The following IKZF2 variants were observed in gnomAD, a reference collection of about 807,000 sequenced individuals.
The protein encoded by IKZF2 is zinc finger protein Helios.
Under a neutral mutation model 49.2 loss-of-function variants are expected in IKZF2, and 15 were observed. The ratio of observed to expected loss-of-function variants is 0.30; its 90% CI spans 0.20 to 0.47. The LOEUF (loss-of-function observed/expected upper bound fraction) is 0.47, where lower values mean the gene tolerates loss of function less well. Among genes scored for constraint, IKZF2 ranks in the 20% least tolerant of loss-of-function variants. IKZF2 has a pLI of 1.00. For missense variants in IKZF2, 567 were observed against 664.6 expected (o/e 0.85, Z 1.61); for synonymous variants, 227 against 221.4 (o/e 1.03, Z -0.23).
chr2:213,097,143 G>A (rs1300150868), intron 4 of IKZF2, among the ~76,000 whole-genome samples: 3 of 151,854 alleles, frequency 2.0e-5, no homozygotes, highest in East Asian at 1.9e-4. Flanking sequence ...GCAGTTTAAT[G>A]AGATAATTAA....
intron 4 of IKZF2, among the ~76,000 whole-genome samples, chr2:213,087,089 G>A (rs1325221275): frequency 6.6e-6 from 1 of 152,072 alleles, no homozygotes; most frequent in Non-Finnish European, 1.5e-5. Flanking sequence ...GTAATCTTAG[G>A]TTTTGAAACA....
In IKZF2 at chr2:213,047,954, A is replaced by G. The variant is rs1256842478; in HGVS notation, c.574+1759T>C. Among the ~76,000 whole-genome samples the G allele has an allele frequency of 3.3e-5, 5 of 152,118 alleles. No individual in the cohort carries two copies. The East Asian group carries it at 9.6e-4, about 29-fold the overall frequency. On this transcript the variant is annotated intron_variant, in intron 6 of 8. Coordinates refer to ENST00000434687, the MANE Select transcript of IKZF2 (RefSeq NM_001387220.1). ...GGGGAAGATGTATTTGATTGGAAGAAGAACACTATAATGATCAATTTTGAG... is the reference window on the plus strand; with the variant it reads ...GGGGAAGATGTATTTGATTGGAAGAGGAACACTATAATGATCAATTTTGAG...
At chr2:213,056,744 C>A in intron 5 of IKZF2, 89 bp downstream of exon 5, 1 of 1,507,422 alleles carries the variant, frequency 6.6e-7, no homozygotes, top group Non-Finnish European at 9.1e-7. Context: ...CACTGCCACC[C>A]CTGAATAAAA....
chr2:213,087,826 T>C (rs1185993757), intron 4 of IKZF2, among the ~76,000 whole-genome samples: 2 of 152,230 alleles, frequency 1.3e-5, no homozygotes, highest in Non-Finnish European at 2.9e-5. Flanking sequence ...ACAAAGGACA[T>C]GAACTCATCC....
chr2:213,130,236 A>G (rs2060430577), intron 4 of IKZF2, among the ~76,000 whole-genome samples: 1 of 152,204 alleles, frequency 6.6e-6, no homozygotes, highest in South Asian at 2.1e-4. Flanking sequence ...ACACTTGGTA[A>G]AAACAGAAAC....
At chr2:213,049,999 T>A in intron 5 of IKZF2, 119 bp from the exon 6 acceptor site, 1 of 629,824 alleles carries the variant, frequency 1.6e-6, no homozygotes. Context: ...CCCTCATAAG[T>A]CTTTTAAACA....
rs1040434902 is a variant in IKZF2 at position 213,000,249 on chromosome 2, T to C, written c.*7111A>G. 3.0e-5 allele frequency: 1 copy of C among 33,670 alleles called. No individual in the cohort carries two copies. Among genetic ancestry groups the C allele is most frequent in the Admixed American group, 5.4e-4 (1 of 1,844 alleles). 2.1% of individuals were successfully genotyped at this position (33,670 alleles called of 1,614,324 possible). A position where few individuals can be genotyped will look rare whatever the true frequency, so the allele number is the denominator to read the frequency against. On this transcript the variant is annotated 3_prime_UTR_variant, in exon 9 of 9. Coordinates refer to ENST00000434687, the MANE Select transcript of IKZF2 (RefSeq NM_001387220.1). The stretch of plus-strand genomic sequence containing the variant: ...GTATGGAATTTTAACTTTACATATA[T>C]ATTTATATATATATATATATATTTC...
At chr2:213,012,431 CTAGT>C (rs1696065422) in intron 8 of IKZF2, among the ~76,000 whole-genome samples, 1 of 151,596 alleles carries the variant, frequency 6.6e-6, no homozygotes, top group Non-Finnish European at 1.5e-5. Flanking sequence ...ACATTAGAGT[CTAGT>C]TAGATTTAAG....
chr2:213,019,554 T>C (rs1696981778), intron 7 of IKZF2, among the ~76,000 whole-genome samples: 2 of 152,220 alleles, frequency 1.3e-5, no homozygotes, highest in Admixed American at 1.3e-4. Flanking sequence ...TCTCAAATTA[T>C]TGTTATAACA....
chr2:213,130,047 T>C (rs1290852593), intron 4 of IKZF2, among the ~76,000 whole-genome samples: 1 of 152,156 alleles, frequency 6.6e-6, no homozygotes, highest in Non-Finnish European at 1.5e-5. Context: ...TGTTTTCTGC[T>C]CACTAAGTAA....
chr2:213,117,576 G>T (rs2059916794), intron 4 of IKZF2, among the ~76,000 whole-genome samples: 1 of 152,194 alleles, frequency 6.6e-6, no homozygotes, highest in African/African-American at 2.4e-5. Context: ...AAGGGCAGGG[G>T]CTCTAACAAT....
chr2:213,126,838 T>C (rs562916568), intron 4 of IKZF2, among the ~76,000 whole-genome samples: 2 of 152,148 alleles, frequency 1.3e-5, no homozygotes, highest in South Asian at 4.1e-4. Context: ...TTTATAACAG[T>C]GAATAGGAAC....
chr2:213,045,041 G>C (rs1382089640), intron 6 of IKZF2, among the ~76,000 whole-genome samples: 1 of 152,104 alleles, frequency 6.6e-6, no homozygotes, highest in Non-Finnish European at 1.5e-5. Flanking sequence ...GCCATATTTA[G>C]GTGTTTAGTA....
At chr2:213,080,146 T>G (rs1429364623) in intron 4 of IKZF2, among the ~76,000 whole-genome samples, 3 of 129,080 alleles carry the variant, frequency 2.3e-5, no homozygotes, top group African/African-American at 8.6e-5. Flanking sequence ...AGCTTCTATT[T>G]ACCCTGAAGT....
upstream of IKZF2, chr2:213,151,988 C>T (rs997549884): frequency 6.6e-6 from 1 of 151,904 alleles, no homozygotes; most frequent in Non-Finnish European, 1.5e-5. Flanking sequence ...TCGCGCCCAC[C>T]CGCGCGCCCG....
At chr2:213,088,314 G>T (rs1704896421) in intron 4 of IKZF2, among the ~76,000 whole-genome samples, 1 of 152,140 alleles carries the variant, frequency 6.6e-6, no homozygotes, top group South Asian at 2.1e-4. Context: ...CTTTCGAGAA[G>T]TGTCTGTTCA....
chr2:213,067,827 G>A (rs1702302447), intron 4 of IKZF2, among the ~76,000 whole-genome samples: 1 of 151,918 alleles, frequency 6.6e-6, no homozygotes, highest in African/African-American at 2.4e-5. Context: ...GCAATACAAG[G>A]ATTCATAAGC....
At chr2:213,125,056 A>G (rs922623839) in intron 4 of IKZF2, among the ~76,000 whole-genome samples, 54 of 152,346 alleles carry the variant, frequency 3.5e-4, no homozygotes, top group African/African-American at 1.3e-3. Context: ...TTCAGATTTC[A>G]TTAACCCCTG....
chr2:213,087,782 C>G (rs972269495), intron 4 of IKZF2, among the ~76,000 whole-genome samples: 2 of 152,132 alleles, frequency 1.3e-5, no homozygotes, highest in African/African-American at 4.8e-5. Flanking sequence ...ATAGTTTGCT[C>G]ATAATGATGG....
Sources: gnomAD v4.1 joint callset for allele counts (sites outside exome capture counted in the v4.1 genomes callset) on GRCh38, gnomAD v4.1.1 for gene constraint, MANE v1.5 for transcripts, NCBI Gene and HGNC (gene_info 2026-07-23, HGNC 2026-07-21) for gene names.